Variants in MAP2K5 observed in about 807,000 individuals in gnomAD.
MAP2K5 encodes dual specificity mitogen-activated protein kinase kinase 5.
Under a neutral mutation model 83.1 loss-of-function variants are expected in MAP2K5, and 49 were observed. The ratio of observed to expected loss-of-function variants is 0.59; its 90% CI spans 0.47 to 0.75. The LOEUF is 0.75. MAP2K5 is among the 30% of genes least tolerant of loss of function. The pLI, the probability that MAP2K5 is intolerant of heterozygous loss-of-function variation, is 0.00. For missense variants in MAP2K5, 457 were observed against 557.5 expected (o/e 0.82, Z 1.82); for synonymous variants, 202 against 191.8 (o/e 1.05, Z -0.44).
chr15:67,569,331 A>G (rs183992027), intron 3 of MAP2K5, among the ~76,000 whole-genome samples: 1 of 152,348 alleles, frequency 6.6e-6, no homozygotes, highest in Non-Finnish European at 1.5e-5. Context: ...ATTTATCCAA[A>G]CAACTGATTA....
chr15:67,788,440 T>C lies in MAP2K5; in HGVS notation c.1242+15688T>C, dbSNP rs1831162427. 2.0e-5 allele frequency among the ~76,000 whole-genome samples: 3 copies of C among 152,172 alleles called. 1 individual carries two copies. In the South Asian group the frequency reaches 6.2e-4, roughly 32 times the overall value. On this transcript the variant is annotated intron_variant, in intron 21 of 21. Coordinates refer to ENST00000178640, the MANE Select transcript of MAP2K5 (RefSeq NM_145160.3). ...TCTATTTTATAAATACTCTGCTTCA[T>C]TATTGAAGGTAGATGGGTAAGAGAG...
At chr15:67,684,838 A>G (rs2087912333) in intron 13 of MAP2K5, among the ~76,000 whole-genome samples, 1 of 152,234 alleles carries the variant, frequency 6.6e-6, no homozygotes. Flanking sequence ...TAACTGAATT[A>G]GACACTACAG....
Position 67,790,744 on chromosome 15 carries a change from C to T in MAP2K5, c.1243-15902C>T, listed in dbSNP as rs2090502306. ...AAACAAACAAACAAAAAAAAAAAAA[C>T]CTGTGTCCTAATGTCTGCCACACTT... On this transcript the variant is annotated intron_variant, in intron 21 of 21. Transcript: ENST00000178640. The surrounding 1 kb of genome is among the most constrained non-coding windows in gnomAD (Gnocchi z 4.6). Among the ~76,000 whole-genome samples the T allele has an allele frequency of 6.6e-6, 1 of 151,650 alleles. No individual in the cohort carries two copies. Among genetic ancestry groups the T allele is most frequent in the South Asian group, 2.1e-4 (1 of 4,808 alleles).
At chr15:67,642,536 T>G in intron 9 of MAP2K5, 1 of 1,174,578 alleles carries the variant, frequency 8.5e-7, no homozygotes, top group Non-Finnish European at 1.3e-6. Flanking sequence ...TCAAGCTGGG[T>G]CTAAAAGATA....
In MAP2K5 at chr15:67,692,466, G is replaced by T. The variant is rs1004673647; in HGVS notation, c.848-13G>T. The T allele has an allele frequency of 6.2e-7, 1 of 1,607,658 alleles. No homozygotes were observed. The highest frequency in any genetic ancestry group is 8.5e-7 in the Non-Finnish European group (1 of 1,174,492). The stretch of plus-strand genomic sequence containing the variant: ...TGGAATTAGTTACATGGCCTTTTCT[G>T]GTCCCTTTTTAGACGTGAAGCCCTC... On this transcript the variant is annotated splice_polypyrimidine_tract_variant and intron_variant, in intron 13 of 21. Transcript: ENST00000178640.
intron 15 of MAP2K5, among the ~76,000 whole-genome samples, chr15:67,701,960 C>A (rs2088431019): frequency 6.6e-6 from 1 of 152,136 alleles, no homozygotes; most frequent in South Asian, 2.1e-4. Flanking sequence ...TTAATGCTAA[C>A]CCATAGCTCT....
chr15:67,753,951 T>C (rs2089777095), intron 19 of MAP2K5, among the ~76,000 whole-genome samples: 1 of 152,180 alleles, frequency 6.6e-6, no homozygotes, highest in Admixed American at 6.5e-5. Flanking sequence ...GTAGAAAGAA[T>C]CCAGAAGTTC....
intron 13 of MAP2K5, among the ~76,000 whole-genome samples, chr15:67,683,056 G>A (rs2087862060): frequency 6.6e-6 from 1 of 151,918 alleles, no homozygotes; most frequent in Admixed American, 6.6e-5. Context: ...AAGGAGAATC[G>A]CTTGAACCCG....
chr15:67,805,851 C>T (rs368733195), intron 21 of MAP2K5, among the ~76,000 whole-genome samples: 33 of 152,306 alleles, frequency 2.2e-4, no homozygotes, highest in African/African-American at 7.0e-4. Context: ...GCCTGGTAAC[C>T]CTGGGGTTGT....
rs367996110 is a variant in MAP2K5, at chr15:67,696,096, G to A, written c.972+2528G>A. Among the ~76,000 whole-genome samples the A allele has an allele frequency of 1.5e-4, 22 of 148,874 alleles. No individual in the cohort carries two copies. The East Asian group carries it at 4.1e-3, about 28-fold the overall frequency. On this transcript the variant is annotated intron_variant, in intron 15 of 21. Transcript: ENST00000178640. The stretch of plus-strand genomic sequence containing the variant: ...AGGTATGAATCCCTGACTTTTATCT[G>A]CTGACAGTCTCTTGAGAGAAAAGAG...
intron 13 of MAP2K5, among the ~76,000 whole-genome samples, chr15:67,682,677 C>G (rs2087848509): frequency 6.7e-6 from 1 of 150,016 alleles, no homozygotes; most frequent in Admixed American, 6.6e-5. Context: ...ACTAAAAATA[C>G]AAAAAATTAG....
intron 13 of MAP2K5, among the ~76,000 whole-genome samples, chr15:67,667,179 G>A (rs908356822): frequency 1.3e-5 from 2 of 152,004 alleles, no homozygotes; most frequent in Non-Finnish European, 2.9e-5. Context: ...TTAATAACTT[G>A]GATTCCATAA....
chr15:67,633,887 T>C (rs991945757), intron 9 of MAP2K5, among the ~76,000 whole-genome samples: 1 of 152,242 alleles, frequency 6.6e-6, no homozygotes, highest in African/African-American at 2.4e-5. Context: ...AATTTTTAAT[T>C]CTTAGAAGTG....
rs1047804110 is a variant in MAP2K5, at chr15:67,652,512, A to G, written c.737-6041A>G. Among the ~76,000 whole-genome samples the G allele has an allele frequency of 2.0e-5, 3 of 152,148 alleles. No homozygotes were observed. The highest frequency in any genetic ancestry group is 4.4e-5 in the Non-Finnish European group (3 of 68,022). ...AAATCTTGCAGGAACTTAGAGTGAG[A>G]GTTCACTTAATTTTGTGAGAATGAC... On this transcript the variant is annotated intron_variant, in intron 11 of 21. Coordinates refer to ENST00000178640, the MANE Select transcript of MAP2K5 (RefSeq NM_145160.3). The surrounding 1 kb of genome is among the most constrained non-coding windows in gnomAD (Gnocchi z 4.2).
At chr15:67,567,586 G>T (rs1213578852) in intron 3 of MAP2K5, among the ~76,000 whole-genome samples, 4 of 151,470 alleles carry the variant, frequency 2.6e-5, no homozygotes, top group African/African-American at 7.3e-5. Flanking sequence ...GGATGGTCTC[G>T]ATCTCCTGAC....
chr15:67,711,178 AC>A (rs2088683343), intron 16 of MAP2K5, among the ~76,000 whole-genome samples: 3 of 152,232 alleles, frequency 2.0e-5, no homozygotes, highest in Admixed American at 2.0e-4. Context: ...CCTAGTGGGC[AC>A]TCAGTAAATC....
chr15:67,653,893 A>G (rs972189973), intron 11 of MAP2K5, among the ~76,000 whole-genome samples: 9 of 152,078 alleles, frequency 5.9e-5, no homozygotes, highest in African/African-American at 2.2e-4. Flanking sequence ...TTAATCTCAA[A>G]GTATTTTCCA....
intron 12 of MAP2K5, chr15:67,659,029 G>A (rs1395384701): frequency 2.8e-5 from 7 of 246,124 alleles, no homozygotes; most frequent in African/African-American, 4.6e-5. Flanking sequence ...AGTAGTATTA[G>A]TAAAGATTTT....
rs1369760194 is a variant in MAP2K5, at chr15:67,592,790, T to A, written c.432-136T>A. 1.5e-5 allele frequency: 10 copies of A among 653,222 alleles called. No homozygotes were observed. In the South Asian group the frequency reaches 1.6e-4, roughly 10 times the overall value. 40.5% of individuals were successfully genotyped at this position (653,222 alleles called of 1,614,324 possible). Reference sequence around the variant, plus strand: ...TTTGGCCAGTTACTTTTGAAAAAAATTTACATTGGGAGAAGGATGTGAAGA... The same window carrying A: ...TTTGGCCAGTTACTTTTGAAAAAAAATTACATTGGGAGAAGGATGTGAAGA... On this transcript the variant is annotated intron_variant, in intron 6 of 21. Coordinates refer to ENST00000178640, the MANE Select transcript of MAP2K5 (RefSeq NM_145160.3).
Sources: allele counts gnomAD v4.1 joint callset (sites outside exome capture counted in the v4.1 genomes callset), GRCh38; gene constraint gnomAD v4.1.1; non-coding constraint Gnocchi (gnomAD v3.1); transcripts MANE v1.5; gene names NCBI Gene and HGNC (gene_info 2026-07-23, HGNC 2026-07-21).